The following DOCK2 variants were observed in gnomAD, a reference collection of about 807,000 sequenced individuals.
DOCK2 encodes the protein dedicator of cytokinesis 2, also known as dedicator of cytokinesis protein 2.
Under a neutral mutation model 248.9 loss-of-function variants are expected in DOCK2, and 87 were observed. The ratio of observed to expected loss-of-function variants is 0.35; its 90% CI spans 0.29 to 0.42. The LOEUF is 0.42. Among genes scored for constraint, DOCK2 ranks in the 10% least tolerant of loss-of-function variants. The pLI is 1.00. For missense variants in DOCK2, 1,747 were observed against 2,300.2 expected, an observed-to-expected ratio of 0.76 and a Z score of 4.92; for synonymous variants, 805 against 821.6, an observed-to-expected ratio of 0.98 and a Z score of 0.35.
At chr5:169,723,520 G>A (rs965395877) in intron 22 of DOCK2, among the ~76,000 whole-genome samples, 7 of 152,032 alleles carry the variant, frequency 4.6e-5, no homozygotes, top group South Asian at 2.1e-4. Flanking sequence ...ATCATCTTCA[G>A]CAGTCTTCAC....
intron 27 of DOCK2, among the ~76,000 whole-genome samples, chr5:169,925,642 T>C (rs114007240): frequency 0.022 from 3,294 of 146,896 alleles, 53 homozygotes; most frequent in Middle Eastern, 0.094. Context: ...AGCTCTGCCA[T>C]TGATTGGTTG....
chr5:170,025,790 CCCTTCCTTCCTTCCTTCCTTCCTT>C (rs1193226351), intron 33 of DOCK2, among the ~76,000 whole-genome samples: 1 of 67,544 alleles, frequency 1.5e-5, no homozygotes, highest in Non-Finnish European at 3.0e-5. Context: ...CTCCTTCCCT[CCCTTCCTTCCTTCCTTCCTTCCTT>C]CCTTCCTTCC....
At chr5:169,639,910 A>G (rs1257403302) in intron 1 of DOCK2, among the ~76,000 whole-genome samples, 2 of 152,200 alleles carry the variant, frequency 1.3e-5, no homozygotes, top group African/African-American at 4.8e-5. Flanking sequence ...AACAACAGAA[A>G]TGTATTTTCT....
At chr5:170,042,613 T>C (rs1314113178) in intron 38 of DOCK2, among the ~76,000 whole-genome samples, 2 of 152,210 alleles carry the variant, frequency 1.3e-5, no homozygotes, top group African/African-American at 4.8e-5. Context: ...ACTCAGGGAC[T>C]GTGTACTTGC....
intron 22 of DOCK2, among the ~76,000 whole-genome samples, chr5:169,745,279 C>T (rs139747831): frequency 2.9e-3 from 447 of 152,314 alleles, no homozygotes; most frequent in Non-Finnish European, 5.6e-3. Flanking sequence ...ACTTTGATGA[C>T]ATTTGGGCAA....
chr5:169,654,367 A>G, intron 1 of DOCK2, 36 bp from the exon 2 acceptor site: 1 of 1,610,510 alleles, frequency 6.2e-7, no homozygotes, highest in Non-Finnish European at 8.5e-7. Context: ...TGAGATCTAG[A>G]GGTCTCACCT....
At position 169,698,312 on chromosome 5, in the gene DOCK2, C is replaced by T. The variant is rs1032929451; in HGVS notation, c.980-62C>T. ...CCTCCTGTCCCATAAGCTCATCCCA[C>T]TGTCATCCCTTATGGGAACAGGAAG... On this transcript the variant is annotated intron_variant, in intron 10 of 51. Coordinates refer to ENST00000520908, the MANE Select transcript of DOCK2 (RefSeq NM_004946.3). 10 of 1,546,988 alleles carry T rather than the reference C, an allele frequency of 6.5e-6. No individual in the cohort carries two copies. The African/African-American group carries it at 8.2e-5, about 13-fold the overall frequency.
intron 32 of DOCK2, among the ~76,000 whole-genome samples, chr5:170,013,003 A>G (rs1164335622): frequency 1.3e-5 from 2 of 152,112 alleles, no homozygotes; most frequent in African/African-American, 4.8e-5. Context: ...GCTATCTAGT[A>G]GGGAAAAGTG....
At chr5:170,067,255 A>ACTCAGCATCTGATGC (rs150345489) in intron 44 of DOCK2, among the ~76,000 whole-genome samples, 6,088 of 152,216 alleles carry the variant, frequency 0.04, 189 homozygotes, top group African/African-American at 0.088. Flanking sequence ...TCTGGGGCAC[A>ACTCAGCATCTGATGC]CTCAGCAGGT....
chr5:169,749,498 G>T (rs556554027), intron 23 of DOCK2, among the ~76,000 whole-genome samples: 1 of 152,256 alleles, frequency 6.6e-6, no homozygotes, highest in East Asian at 1.9e-4. Context: ...ATTAGTTGAT[G>T]CTTAATAGAT....
intron 1 of DOCK2, among the ~76,000 whole-genome samples, chr5:169,649,133 A>G (rs1455467771): frequency 6.6e-6 from 1 of 152,242 alleles, no homozygotes; most frequent in Non-Finnish European, 1.5e-5. Flanking sequence ...TTCCCCCTGG[A>G]GTGGAGACTC....
intron 27 of DOCK2, chr5:169,883,506 G>A (rs1239060266): frequency 2.6e-6 from 4 of 1,551,616 alleles, no homozygotes; most frequent in Admixed American, 2.0e-5. Context: ...TGACCTGGAT[G>A]GCACTTTGGG....
chr5:169,743,684 G>A (rs1439812764), intron 22 of DOCK2, among the ~76,000 whole-genome samples: 1 of 151,988 alleles, frequency 6.6e-6, no homozygotes, highest in Non-Finnish European at 1.5e-5. Context: ...TGGCTTGATA[G>A]CAAAGCGCTT....
intron 27 of DOCK2, chr5:169,882,668 C>G (rs753222944): frequency 6.4e-7 from 1 of 1,552,080 alleles, no homozygotes; most frequent in Non-Finnish European, 8.7e-7. Flanking sequence ...CCTTGGAGGT[C>G]GCAGAGTTCA....
chr5:170,057,488 T>C (rs528006872), intron 43 of DOCK2, 92 bp from the exon 44 acceptor site: 3 of 1,133,112 alleles, frequency 2.6e-6, no homozygotes, highest in South Asian at 1.3e-5. Context: ...CCCGGGGACC[T>C]GGCTGGGTTT....
chr5:170,043,940 C>T (rs1756607357), intron 38 of DOCK2, among the ~76,000 whole-genome samples: 1 of 152,176 alleles, frequency 6.6e-6, no homozygotes, highest in South Asian at 2.1e-4. Flanking sequence ...TTTTGCATTG[C>T]CCTTTGGCAT....
At chr5:170,050,120 G>C in intron 40 of DOCK2, 136 bp from the exon 41 acceptor site, 1 of 1,171,750 alleles carries the variant, frequency 8.5e-7, no homozygotes, top group Non-Finnish European at 1.2e-6. Flanking sequence ...TCCTTTCCCT[G>C]TGGGGAAACC....
chr5:169,683,812 A>G (rs576244101), intron 7 of DOCK2, among the ~76,000 whole-genome samples: 17 of 152,286 alleles, frequency 1.1e-4, no homozygotes, highest in South Asian at 6.2e-4. Context: ...AGTTATTTGT[A>G]TGTTCTAGAT....
In DOCK2 at chr5:169,684,251, A is replaced by G; in HGVS notation, c.662A>G (p.His221Arg). Reference sequence around the variant, plus strand: ...TCCCGGATCTCCTCATCCCCCACCCATAGCCTCTATGTGTTTGTGAGAAAC... The same window carrying G: ...TCCCGGATCTCCTCATCCCCCACCCGTAGCCTCTATGTGTTTGTGAGAAAC... ...MYSRISSSPTHSLYVFVRNFV... is the reference protein window; with the variant it reads ...MYSRISSSPTRSLYVFVRNFV... The change falls in exon 8 of 52, where the codon CAT becomes CGT. Residue 221 changes from histidine to arginine, a missense_variant. Physicochemically the swap from His to Arg is conservative, Grantham distance 29 (BLOSUM62 0). Around this residue, in one of 4 missense-constraint regions of DOCK2, gnomAD observed 375 missense variants for 510.9 expected, o/e 0.73. Transcript: ENST00000520908. 4.3e-6 allele frequency: 7 copies of G among 1,614,134 alleles called. No individual in the cohort carries two copies. Among genetic ancestry groups the G allele is most frequent in the Non-Finnish European group, 5.9e-6 (7 of 1,180,010 alleles).
Sources: gnomAD v4.1 joint callset for allele counts (sites outside exome capture counted in the v4.1 genomes callset) on GRCh38, gnomAD v4.1.1 for gene constraint, gnomAD v4.1.1 regional missense constraint, MANE v1.5 for transcripts, NCBI Gene and HGNC (gene_info 2026-07-23, HGNC 2026-07-21) for gene names.